IQCM: variants seen among roughly 807,000 people sequenced by gnomAD.
IQCM encodes IQ domain-containing protein M.
A neutral mutation model predicts 57.6 loss-of-function variants in IQCM; 45 were observed. The ratio of observed to expected loss-of-function variants is 0.78; its 90% CI spans 0.62 to 1.00. The LOEUF is 1.00. Among genes scored for constraint, IQCM ranks in the 50% least tolerant of loss-of-function variants. IQCM has a pLI of 0.00. For missense variants in IQCM, 468 were observed against 511.6 expected (o/e 0.91, Z 0.82); for synonymous variants, 148 against 158.9 (o/e 0.93, Z 0.51).
intron 12 of IQCM, among the ~76,000 whole-genome samples, chr4:149,479,785 GC>G (rs967787298): frequency 6.6e-6 from 1 of 152,188 alleles, no homozygotes; most frequent in Non-Finnish European, 1.5e-5. Context: ...ACCAGGGACA[GC>G]CTGGTGCAGT....
intron 9 of IQCM, among the ~76,000 whole-genome samples, chr4:149,568,274 C>T (rs1750820925): frequency 6.6e-6 from 1 of 152,124 alleles, no homozygotes; most frequent in African/African-American, 2.4e-5. Context: ...CAAACCTATC[C>T]ATGTGCTGCC....
chr4:149,627,427 A>G (rs533182491), intron 7 of IQCM, among the ~76,000 whole-genome samples: 20 of 152,314 alleles, frequency 1.3e-4, no homozygotes, highest in African/African-American at 4.8e-4. Context: ...TATCTGGGGC[A>G]AAGTAAATAA....
intron 5 of IQCM, among the ~76,000 whole-genome samples, chr4:149,712,726 C>T (rs986810236): frequency 1.3e-5 from 2 of 152,084 alleles, no homozygotes; most frequent in Non-Finnish European, 2.9e-5. Context: ...TAATACCTCT[C>T]CAGAATGGTA....
intron 7 of IQCM, among the ~76,000 whole-genome samples, chr4:149,663,369 G>A (rs1262493820): frequency 3.3e-5 from 5 of 151,888 alleles, no homozygotes. Context: ...GCTTGATTAT[G>A]TATTTACCTC....
chr4:149,719,745 C>T (rs1304792934), intron 5 of IQCM, among the ~76,000 whole-genome samples: 2 of 152,316 alleles, frequency 1.3e-5, no homozygotes, highest in African/African-American at 4.8e-5. Flanking sequence ...CATCACTCAA[C>T]CCATCACTGT....
chr4:149,658,926 A>G (rs1341780598), intron 7 of IQCM, among the ~76,000 whole-genome samples: 1 of 152,068 alleles, frequency 6.6e-6, no homozygotes, highest in Non-Finnish European at 1.5e-5. Flanking sequence ...TCAAACAGGA[A>G]CACTTTGACC....
intron 5 of IQCM, among the ~76,000 whole-genome samples, chr4:149,711,914 T>G (rs1266912286): frequency 6.6e-6 from 1 of 152,210 alleles, no homozygotes; most frequent in Non-Finnish European, 1.5e-5. Context: ...AAACGCTTTT[T>G]TGATCCATCT....
At chr4:149,695,931 A>G (rs1763303129) in intron 5 of IQCM, among the ~76,000 whole-genome samples, 1 of 152,186 alleles carries the variant, frequency 6.6e-6, no homozygotes, top group South Asian at 2.1e-4. Flanking sequence ...TTTGGGCTAA[A>G]TAGTAAGTGA....
chr4:149,728,831 AGAT>A (rs1317863571), intron 5 of IQCM, among the ~76,000 whole-genome samples: 1 of 152,140 alleles, frequency 6.6e-6, no homozygotes, highest in Non-Finnish European at 1.5e-5. Context: ...CTCTCCCCAA[AGAT>A]GACAACCCAA....
intron 2 of IQCM, among the ~76,000 whole-genome samples, chr4:149,809,178 G>A (rs907799432): frequency 2.0e-5 from 3 of 151,750 alleles, no homozygotes; most frequent in African/African-American, 4.8e-5. Flanking sequence ...CAGGGGAATC[G>A]CTTGAACCTG....
intron 13 of IQCM, among the ~76,000 whole-genome samples, chr4:149,425,225 T>C (rs1734384430): frequency 6.6e-6 from 1 of 152,038 alleles, no homozygotes; most frequent in Non-Finnish European, 1.5e-5. Context: ...GTCATCATAG[T>C]AATTTTATCC....
intron 3 of IQCM, among the ~76,000 whole-genome samples, chr4:149,736,439 T>A (rs1166510156): frequency 6.6e-6 from 1 of 152,132 alleles, no homozygotes; most frequent in Non-Finnish European, 1.5e-5. Context: ...CACTTATAAG[T>A]GTTTCTTGGC....
At chr4:149,589,355 C>T (rs1752919133) in intron 8 of IQCM, among the ~76,000 whole-genome samples, 1 of 151,888 alleles carries the variant, frequency 6.6e-6, no homozygotes, top group Non-Finnish European at 1.5e-5. Flanking sequence ...TTTAGTTTTG[C>T]ATTTTAAGTT....
intron 7 of IQCM, among the ~76,000 whole-genome samples, chr4:149,623,836 G>A (rs925305940): frequency 1.3e-5 from 2 of 151,924 alleles, no homozygotes; most frequent in African/African-American, 4.8e-5. Context: ...CAGCAGGACA[G>A]AATAAAATAT....
At chr4:149,716,414 G>A (rs539365606) in intron 5 of IQCM, among the ~76,000 whole-genome samples, 3 of 152,336 alleles carry the variant, frequency 2.0e-5, no homozygotes, top group South Asian at 4.1e-4. Flanking sequence ...GCAGGAACAG[G>A]CATTTCTGAG....
Position 149,632,110 on chromosome 4 carries a change from A to G in IQCM, c.566-10866T>C, listed in dbSNP as rs568026038. The stretch of plus-strand genomic sequence containing the variant: ...CACCAGTTCTCTCTGAAGCTGGTTG[A>G]TAATCCCAGCATTGGGAAATCTAGA... On this transcript the variant is annotated intron_variant, in intron 7 of 13. Coordinates refer to ENST00000636793, the MANE Select transcript of IQCM (RefSeq NM_001363507.2). 3.2e-4 allele frequency among the ~76,000 whole-genome samples: 48 copies of G among 152,340 alleles called. No homozygotes were observed. The South Asian group carries it at 4.3e-3, about 14-fold the overall frequency.
chr4:149,656,538 G>C (rs1391372509), intron 7 of IQCM, among the ~76,000 whole-genome samples: 1 of 152,088 alleles, frequency 6.6e-6, no homozygotes, highest in Non-Finnish European at 1.5e-5. Flanking sequence ...GCATGAAATT[G>C]AATCTATATA....
At chr4:149,804,947 A>C (rs935856553) in intron 2 of IQCM, among the ~76,000 whole-genome samples, 3 of 152,068 alleles carry the variant, frequency 2.0e-5, no homozygotes, top group Non-Finnish European at 4.4e-5. Flanking sequence ...AGTAGGATGC[A>C]ACCTGCTGGG....
In IQCM at chr4:149,682,174, G is replaced by A; in HGVS notation, c.509C>T (p.Pro170Leu). 8.2e-7 allele frequency: 1 copy of A among 1,225,588 alleles called. No individual in the cohort carries two copies. The allele number at this position is 1,225,588 out of a possible 1,614,324, so 75.9% of individuals were successfully genotyped here. ...CCCAGGTTGTAAGTAAAGATGGACAGGAAAGGGATAGAGTAATTCCAACAT... is the reference window on the plus strand; with the variant it reads ...CCCAGGTTGTAAGTAAAGATGGACAAGAAAGGGATAGAGTAATTCCAACAT... ...NRMLELLYPF[P>L]VHLYLQPGTS... Residue 170 changes from proline (P) to leucine (L), a missense_variant, in exon 7 of 14, where the codon CCT becomes CTT. Pro to Leu is a moderately conservative substitution (Grantham distance 98). Transcript: ENST00000636793.
Sources: gnomAD v4.1 joint callset for allele counts (sites outside exome capture counted in the v4.1 genomes callset) on GRCh38, gnomAD v4.1.1 for gene constraint, MANE v1.5 for transcripts, NCBI Gene and HGNC (gene_info 2026-07-23, HGNC 2026-07-21) for gene names.